The following TNC variants were observed in gnomAD, a reference collection of about 807,000 sequenced individuals.
The protein encoded by TNC is tenascin.
TNC carries 109 observed loss-of-function variants against 202.4 expected under a neutral mutation model. The observed-to-expected ratio is 0.54, with a 90% confidence interval of 0.46 to 0.63. The LOEUF is 0.63. Among genes scored for constraint, TNC ranks in the 30% least tolerant of loss-of-function variants. The pLI is 0.00. For synonymous variants in TNC, 1,007 were observed against 1,089.7 expected (o/e 0.92, Z 1.50); for missense variants, 2,756 against 2,833.3 (o/e 0.97, Z 0.62).
intron 1 of TNC, among the ~76,000 whole-genome samples, chr9:115,102,061 G>A (rs1836278937): frequency 1.3e-5 from 2 of 152,154 alleles, no homozygotes; most frequent in Non-Finnish European, 1.5e-5. Context: ...ATACAATTAT[G>A]AGATAGTATT....
chr9:115,020,582 G>T lies in TNC; in HGVS notation c.*575C>A. On this transcript the variant is annotated 3_prime_UTR_variant, in exon 28 of 28. Coordinates refer to ENST00000350763, the MANE Select transcript of TNC (RefSeq NM_002160.4). Reference sequence around the variant, plus strand: ...TAAAAAAAAAATACAATCAGGTACTGTCCAGAAATGTTTTGGAAAGAAAGA... The same window carrying T: ...TAAAAAAAAAATACAATCAGGTACTTTCCAGAAATGTTTTGGAAAGAAAGA... 3.0e-6 allele frequency: 1 copy of T among 337,976 alleles called. No homozygotes were observed. Among genetic ancestry groups the T allele is most frequent in the South Asian group, 2.6e-5 (1 of 38,864 alleles). 20.9% of individuals were successfully genotyped at this position (337,976 alleles called of 1,614,324 possible). A position where few individuals can be genotyped will look rare whatever the true frequency, so the allele number is the denominator to read the frequency against.
Position 115,047,631 on chromosome 9 carries a change from T to C in TNC, c.4852+629A>G, listed in dbSNP as rs533502954. On this transcript the variant is annotated intron_variant, in intron 16 of 27. Coordinates refer to ENST00000350763, the MANE Select transcript of TNC (RefSeq NM_002160.4). ...TTGAACGTGGAATTTCCTCACCGAG[T>C]AGGACCTTTGAACATTCTGTGGAGC... 3.9e-5 allele frequency among the ~76,000 whole-genome samples: 6 copies of C among 152,236 alleles called. No individual in the cohort carries two copies. In the South Asian group the frequency reaches 1.2e-3, roughly 32 times the overall value.
rs768308484 is a variant in TNC, at chr9:115,057,411, T to C, written c.4321A>G (p.Ile1441Val). ...AEASTAKEPE[I>V]GNLNVSDITP... The stretch of plus-strand genomic sequence containing the variant: ...ATGTCAGAAACATTTAAGTTTCCAA[T>C]TTCAGGTTCTTTGGCTGTAAAAGGA... The change falls in exon 15 of 28, where the codon ATT (isoleucine) becomes GTT (valine). Residue 1441 changes from isoleucine (I) to valine (V), a missense_variant. Ile to Val is a conservative substitution (Grantham distance 29). Around this residue, in one of 2 missense-constraint regions of TNC, gnomAD observed 2,559 missense variants for 2,546.0 expected, o/e 1.01. Transcript: ENST00000350763. The C allele has an allele frequency of 6.2e-7, 1 of 1,608,612 alleles. No individual in the cohort carries two copies. Among genetic ancestry groups the C allele is most frequent in the Admixed American group, 1.7e-5 (1 of 59,766 alleles).
chr9:115,108,257 G>T (rs960058900), intron 1 of TNC, among the ~76,000 whole-genome samples: 1 of 152,180 alleles, frequency 6.6e-6, no homozygotes, highest in Non-Finnish European at 1.5e-5. Flanking sequence ...CTCCAGTGAA[G>T]AATTTCCCAG....
intron 27 of TNC, among the ~76,000 whole-genome samples, chr9:115,023,013 CACA>C (rs1267372225): frequency 1.4e-5 from 2 of 142,228 alleles, no homozygotes; most frequent in Admixed American, 7.2e-5. Context: ...CCCCTGACCC[CACA>C]ACAACAAAAA....
chr9:115,112,613 A>G (rs1837163340), intron 1 of TNC: 1 of 152,252 alleles, frequency 6.6e-6, no homozygotes, highest in Admixed American at 6.5e-5. Flanking sequence ...TAACCTACCT[A>G]GAAGTTAAAG....
At position 115,035,238 on chromosome 9, in the gene TNC, A is replaced by G. The variant is rs1211081953; in HGVS notation, c.5753T>C (p.Leu1918Pro). Reference protein sequence around the residue: ...RPPRASVTGYLLVYESVDGTV... With the variant: ...RPPRASVTGYPLVYESVDGTV... ...GCCATCCACTGATTCATAGACCAGC[A>G]GGTAACCGGTGACTGATGCCCGGGG... The change falls in exon 22 of 28, where the codon CTG becomes CCG. Residue 1918 changes from leucine to proline, a missense_variant. Physicochemically the swap from Leu to Pro is moderately conservative, Grantham distance 98. Transcript: ENST00000350763. The G allele has an allele frequency of 5.0e-6, 8 of 1,613,360 alleles. No individual in the cohort carries two copies. The Admixed American group carries it at 1.3e-4, about 27-fold the overall frequency.
chr9:115,021,260 T>C lies in TNC; in HGVS notation c.6503A>G (p.Asn2168Ser). The change falls in exon 28 of 28, where the codon AAC becomes AGC. Residue 2168 changes from asparagine to serine, a missense_variant. Asn to Ser is a conservative substitution (Grantham distance 46). Around this residue, in one of 2 missense-constraint regions of TNC, gnomAD observed 197 missense variants for 287.3 expected, o/e 0.69. Transcript: ENST00000350763. ...YGDNNHSQGV[N>S]WFHWKGHEHS... The stretch of plus-strand genomic sequence containing the variant: ...TTCGTGGCCCTTCCAGTGGAACCAG[T>C]TAACGCCCTGTTAAAAAAAAAAAAG... The C allele has an allele frequency of 1.2e-6, 2 of 1,604,786 alleles. No homozygotes were observed. The highest frequency in any genetic ancestry group is 1.7e-6 in the Non-Finnish European group (2 of 1,175,970).
At chr9:115,069,646 CCCTCCCTCCCTCCCTCCCTCCCTT>C (rs1833242403) in intron 10 of TNC, among the ~76,000 whole-genome samples, 1 of 8,122 alleles carries the variant, frequency 1.2e-4, no homozygotes, top group African/African-American at 6.0e-4. Context: ...CTCCCTTCCT[CCCTCCCTCCCTCCCTCCCTCCCTT>C]CCTCCCTCCC....
At chr9:115,059,638 T>G in intron 14 of TNC, 92 bp downstream of exon 14, 2 of 1,340,150 alleles carry the variant, frequency 1.5e-6, no homozygotes, top group Non-Finnish European at 2.0e-6. Context: ...TGAAAAGGAT[T>G]CAGTTATGGC....
chr9:115,067,366 C>A (rs1402711490), intron 10 of TNC, among the ~76,000 whole-genome samples: 1 of 152,206 alleles, frequency 6.6e-6, no homozygotes, highest in Non-Finnish European at 1.5e-5. Flanking sequence ...CTGCTGTCCA[C>A]CTGTCAGGAA....
Position 115,093,392 on chromosome 9 carries a change from A to G in TNC, c.-136-2238T>C, listed in dbSNP as rs999135837. Among the ~76,000 whole-genome samples the G allele has an allele frequency of 3.9e-5, 6 of 152,352 alleles. No homozygotes were observed. The East Asian group carries it at 1.2e-3, about 29-fold the overall frequency. The stretch of plus-strand genomic sequence containing the variant: ...TTGAGCATGCTTTCTCATTGAAATT[A>G]GCTTCTTAACTAACAATGTGTGGGT... On this transcript the variant is annotated intron_variant, in intron 1 of 27. Coordinates refer to ENST00000350763, the MANE Select transcript of TNC (RefSeq NM_002160.4).
rs1216995237 is a variant in TNC at position 115,095,525 on chromosome 9, T to C, written c.-136-4371A>G. On this transcript the variant is annotated intron_variant, in intron 1 of 27. Transcript: ENST00000350763. ...ATGTATATATATATGTATATATATG[T>C]ATATATATATGTATATATATGTATA... Among the ~76,000 whole-genome samples the C allele has an allele frequency of 6.6e-3, 23 of 3,494 alleles. 3 individuals carry two copies. Among genetic ancestry groups the C allele is most frequent in the Admixed American group, 0.022 (3 of 138 alleles). 2.3% of individuals were successfully genotyped at this position (3,494 alleles called of 152,430 possible). A position where few individuals can be genotyped will look rare whatever the true frequency, so the allele number is the denominator to read the frequency against.
chr9:115,071,110 G>T (rs1833435616), intron 10 of TNC, among the ~76,000 whole-genome samples: 1 of 152,178 alleles, frequency 6.6e-6, no homozygotes, highest in Non-Finnish European at 1.5e-5. Flanking sequence ...CGTCTTCTTT[G>T]CTCTAGTAAC....
intron 9 of TNC, among the ~76,000 whole-genome samples, chr9:115,075,719 A>C (rs1297807025): frequency 6.6e-6 from 1 of 152,108 alleles, no homozygotes; most frequent in Non-Finnish European, 1.5e-5. Context: ...CTGGAGGCGG[A>C]GGTTGCAGTG....
chr9:115,117,056 G>A (rs1486840407), intron 1 of TNC, among the ~76,000 whole-genome samples: 1 of 152,184 alleles, frequency 6.6e-6, no homozygotes, highest in Non-Finnish European at 1.5e-5. Flanking sequence ...CAAAACGACA[G>A]CAGACGCTAT....
rs1398747739 is a variant in TNC at position 115,082,819 on chromosome 9, A to G, written c.2132-12T>C. ...AGGTGCAGGTAAGTCTGTAAGTAAC[A>G]ACATAAATAGAACGTAAGGATAGGG... On this transcript the variant is annotated splice_polypyrimidine_tract_variant and intron_variant, in intron 4 of 27. Transcript: ENST00000350763. The G allele has an allele frequency of 1.6e-5, 26 of 1,585,536 alleles. No homozygotes were observed. Among genetic ancestry groups the G allele is most frequent in the Non-Finnish European group, 2.0e-5 (23 of 1,154,190 alleles).
intron 7 of TNC, among the ~76,000 whole-genome samples, chr9:115,077,308 G>T (rs1402206603): frequency 1.3e-5 from 2 of 152,144 alleles, no homozygotes; most frequent in African/African-American, 4.8e-5. Context: ...CGCCCGCCTT[G>T]GCCTCCCAAA....
chr9:115,035,442 C>T, intron 21 of TNC, 108 bp from the exon 22 acceptor site: 1 of 1,212,676 alleles, frequency 8.2e-7, no homozygotes, highest in Non-Finnish European at 1.1e-6. Context: ...TACCACTGAA[C>T]TACGTGACCT....
Sources: gnomAD v4.1 joint callset for allele counts (sites outside exome capture counted in the v4.1 genomes callset) on GRCh38, gnomAD v4.1.1 for gene constraint, gnomAD v4.1.1 regional missense constraint, MANE v1.5 for transcripts, NCBI Gene and HGNC (gene_info 2026-07-23, HGNC 2026-07-21) for gene names.